DNAAF19: variants seen among roughly 807,000 people sequenced by gnomAD.
DNAAF19 encodes dynein axonemal assembly factor 19, also known as coiled-coil domain containing 103.
the DNAAF19 span, chr17:44,901,664 C>T: frequency 6.2e-6 from 10 of 1,613,592 alleles, no homozygotes; most frequent in African/African-American, 4.0e-5. Flanking sequence ...TAGGTGAGGC[C>T]CTGCCCCTTT....
At chr17:44,901,048 A>G in the DNAAF19 span, 4 of 1,600,800 alleles carry the variant, frequency 2.5e-6, no homozygotes, top group South Asian at 3.4e-5. Context: ...AAAGAGCTGC[A>G]GGCTGCACTC....
At chr17:44,901,428 C>G in the DNAAF19 span, 1 of 1,415,082 alleles carries the variant, frequency 7.1e-7, no homozygotes, top group East Asian at 2.3e-5. Flanking sequence ...TGGTCCGTAA[C>G]AGGTTTATCC....
At chr17:44,903,042 G>C in the DNAAF19 span, 1 of 1,392,382 alleles carries the variant, frequency 7.2e-7, no homozygotes, top group East Asian at 2.6e-5. Context: ...AGCTCAGGAA[G>C]TTGAGAGCGG....
chr17:44,901,243 C>T, the DNAAF19 span: 3 of 1,371,144 alleles, frequency 2.2e-6, no homozygotes, highest in East Asian at 2.4e-5. Flanking sequence ...GCCCCACCGT[C>T]TACTGTTTGA....
the DNAAF19 span, chr17:44,902,206 T>A: frequency 1.1e-6 from 1 of 920,046 alleles, no homozygotes; most frequent in Non-Finnish European, 1.8e-6. Flanking sequence ...CCCAGTTTCC[T>A]CATCTGAAAA....
At chr17:44,904,317 A>G in the DNAAF19 span, 16 of 1,545,268 alleles carry the variant, frequency 1.0e-5, no homozygotes, top group Non-Finnish European at 1.2e-5. Flanking sequence ...GATGAATACT[A>G]TGGGCACCTC....
At chr17:44,900,522 C>T in the DNAAF19 span, among the ~76,000 whole-genome samples, 1 of 151,990 alleles carries the variant, frequency 6.6e-6, no homozygotes, top group Non-Finnish European at 1.5e-5. Context: ...AAGTCTCCTT[C>T]CTCATTAAAG....
chr17:44,900,958 T>C, the DNAAF19 span: 3 of 1,563,106 alleles, frequency 1.9e-6, no homozygotes, highest in Non-Finnish European at 2.6e-6. Flanking sequence ...ATATTGACTG[T>C]CCACTGACAT....
the DNAAF19 span, chr17:44,902,987 C>T: frequency 5.6e-6 from 8 of 1,430,526 alleles, no homozygotes; most frequent in Non-Finnish European, 7.3e-6. Flanking sequence ...TCCAGTCCCT[C>T]AGTGTCTCGC....
the DNAAF19 span, chr17:44,900,930 G>C: frequency 3.4e-6 from 5 of 1,483,666 alleles, no homozygotes; most frequent in South Asian, 6.7e-5. Context: ...ATAATTCAGA[G>C]GTACCCTCTT....
the DNAAF19 span, chr17:44,902,851 A>G: frequency 6.7e-7 from 1 of 1,485,474 alleles, no homozygotes; most frequent in Non-Finnish European, 9.0e-7. Context: ...CCCAGTGGTC[A>G]CTGGAGGCAG....
chr17:44,905,063 T>TC, the DNAAF19 span: 3 of 1,539,178 alleles, frequency 1.9e-6, no homozygotes, highest in East Asian at 4.9e-5. Flanking sequence ...TCCCAGCTTC[T>TC]CCCCCTAGGA....
the DNAAF19 span, among the ~76,000 whole-genome samples, chr17:44,900,459 C>G: frequency 8.9e-4 from 135 of 152,076 alleles, 1 homozygote; most frequent in African/African-American, 3.2e-3. Flanking sequence ...GAGCTCCTTC[C>G]TTTGCCCCTT....
At chr17:44,904,050 G>T in the DNAAF19 span, 2 of 1,550,678 alleles carry the variant, frequency 1.3e-6, no homozygotes, top group Non-Finnish European at 1.7e-6. Flanking sequence ...CTAGGTAGCA[G>T]CCACACCAAA....
At chr17:44,900,172 C>T in the DNAAF19 span, among the ~76,000 whole-genome samples, 642 of 152,070 alleles carry the variant, frequency 4.2e-3, 4 homozygotes, top group African/African-American at 0.015. Flanking sequence ...CTTTGGGAGG[C>T]CGAGGCGCGC....
At chr17:44,902,789 A>AGCT in the DNAAF19 span, 19 of 1,567,142 alleles carry the variant, frequency 1.2e-5, no homozygotes, top group Non-Finnish European at 1.6e-5. Context: ...CTCCTGCAGG[A>AGCT]GCTGCTGGAG....
chr17:44,904,170 G>A, the DNAAF19 span: 1 of 1,550,372 alleles, frequency 6.5e-7, no homozygotes, highest in Non-Finnish European at 8.7e-7. Context: ...TTGGTTTTCA[G>A]GGCTCAGTCT....
the DNAAF19 span, chr17:44,903,579 C>T: frequency 7.2e-7 from 1 of 1,393,294 alleles, no homozygotes; most frequent in Non-Finnish European, 9.3e-7. Flanking sequence ...GGAGTAAAGG[C>T]CAGGTTCTAG....
chr17:44,901,185 A>C, the DNAAF19 span: 1 of 1,588,730 alleles, frequency 6.3e-7, no homozygotes. Flanking sequence ...GTTATGGTGG[A>C]TTATAGTAGT....
Sources: gnomAD v4.1 joint callset for allele counts (sites outside exome capture counted in the v4.1 genomes callset) on GRCh38, gnomAD v4.1.1 for gene constraint, MANE v1.5 for transcripts, NCBI Gene and HGNC (gene_info 2026-07-23, HGNC 2026-07-21) for gene names.